The following SLC35D1 variants were observed in gnomAD, a reference collection of about 807,000 sequenced individuals.
SLC35D1 encodes the protein solute carrier family 35 member D1.
SLC35D1 carries 31 observed loss-of-function variants against 46.7 expected under a neutral mutation model. The observed-to-expected ratio is 0.66, with a 90% CI of 0.50 to 0.90. The LOEUF (loss-of-function observed/expected upper bound fraction) is 0.90, where lower values mean the gene tolerates loss of function less well. Ranked by LOEUF, SLC35D1 falls within the 40% of genes least tolerant of loss-of-function variation. SLC35D1 has a pLI of 0.00. For missense variants in SLC35D1, 397 were observed against 426.2 expected (o/e 0.93, Z 0.60); for synonymous variants, 195 against 164.6 (o/e 1.18, Z -1.41).
chr1:67,030,740 G>C (rs1272690509), intron 8 of SLC35D1, among the ~76,000 whole-genome samples: 1 of 152,098 alleles, frequency 6.6e-6, no homozygotes, highest in Non-Finnish European at 1.5e-5. Flanking sequence ...CATCTATTAA[G>C]TCCCATGTGC....
intron 8 of SLC35D1, among the ~76,000 whole-genome samples, chr1:67,026,201 T>G (rs186947849): frequency 6.6e-6 from 1 of 152,304 alleles, no homozygotes; most frequent in African/African-American, 2.4e-5. Context: ...ATTCCTAGTT[T>G]ATTGAGAATT....
chr1:67,020,233 A>T, intron 10 of SLC35D1, 136 bp downstream of exon 10: 1 of 672,222 alleles, frequency 1.5e-6, no homozygotes, highest in Non-Finnish European at 2.7e-6. Context: ...AGAAACTATC[A>T]CCACAATTTG....
intron 11 of SLC35D1, among the ~76,000 whole-genome samples, chr1:67,006,327 T>C (rs1451810588): frequency 1.3e-5 from 2 of 152,166 alleles, no homozygotes; most frequent in Non-Finnish European, 2.9e-5. Flanking sequence ...GAAGATGGCT[T>C]ACTGAAGTCT....
At chr1:67,025,000 G>A (rs1667889300) in intron 8 of SLC35D1, among the ~76,000 whole-genome samples, 1 of 151,946 alleles carries the variant, frequency 6.6e-6, no homozygotes. Context: ...CTTCCACCAC[G>A]GCCTCCCAAA....
chr1:66,974,385 C>T, the SLC35D1 span, among the ~76,000 whole-genome samples: 4,216 of 151,128 alleles, frequency 0.028, 183 homozygotes, highest in African/African-American at 0.096. Flanking sequence ...GAAAAAAGTT[C>T]GTTGTTTCAT....
chr1:66,973,068 A>G, the SLC35D1 span: 2 of 778,920 alleles, frequency 2.6e-6, no homozygotes, highest in Non-Finnish European at 4.4e-6. Context: ...GTAATTTGTT[A>G]TATTGTCTAG....
the SLC35D1 span, among the ~76,000 whole-genome samples, chr1:66,989,609 G>T: frequency 6.6e-6 from 1 of 152,170 alleles, no homozygotes; most frequent in Admixed American, 6.5e-5. Context: ...GTTTACAGTT[G>T]TGCACCACCA....
chr1:67,032,162 TAA>T (rs1032171585), intron 8 of SLC35D1: 16 of 897,700 alleles, frequency 1.8e-5, no homozygotes, highest in Middle Eastern at 5.6e-4. Flanking sequence ...CTGTTTTGAA[TAA>T]AGTCTTTAGC....
At chr1:67,034,766 G>C (rs1207290875) in intron 8 of SLC35D1, among the ~76,000 whole-genome samples, 4 of 151,966 alleles carry the variant, frequency 2.6e-5, no homozygotes, top group Non-Finnish European at 4.4e-5. Context: ...TCTGATCTTA[G>C]AAAAAAGGCT....
At chr1:67,028,773 T>C (rs1386375578) in intron 8 of SLC35D1, among the ~76,000 whole-genome samples, 2 of 152,176 alleles carry the variant, frequency 1.3e-5, no homozygotes, top group African/African-American at 4.8e-5. Flanking sequence ...TTTTCCTCTA[T>C]ACGCTTCATC....
chr1:66,985,142 CTACCT>C, the SLC35D1 span: 3 of 1,087,264 alleles, frequency 2.8e-6, no homozygotes, highest in African/African-American at 5.0e-5. Context: ...AGATATATCT[CTACCT>C]TCTCATTTGA....
the SLC35D1 span, chr1:66,985,950 A>G: frequency 1.0e-6 from 1 of 985,062 alleles, no homozygotes; most frequent in Admixed American, 6.1e-5. Flanking sequence ...GAAGCAAGAC[A>G]AAAGTTTAAT....
intron 8 of SLC35D1, among the ~76,000 whole-genome samples, chr1:67,033,158 G>A (rs1182898920): frequency 2.0e-5 from 3 of 151,932 alleles, no homozygotes; most frequent in South Asian, 2.1e-4. Context: ...ATGGACACTC[G>A]AGTTGCTTCC....
chr1:67,051,973 A>G (rs1645313850), intron 4 of SLC35D1, 39 bp downstream of exon 4: 3 of 1,312,344 alleles, frequency 2.3e-6, no homozygotes, highest in East Asian at 4.6e-5. Flanking sequence ...TTAAGAATAC[A>G]TTATATTAAC....
At chr1:66,998,568 A>T (rs1667270398), downstream of SLC35D1, among the ~76,000 whole-genome samples, 1 of 152,234 alleles carries the variant, frequency 6.6e-6, no homozygotes, top group Non-Finnish European at 1.5e-5. Context: ...TATTCACAAT[A>T]GCCAAGAGGT....
intron 8 of SLC35D1, among the ~76,000 whole-genome samples, chr1:67,036,111 C>A (rs7520341): frequency 0.19 from 29,635 of 151,984 alleles, 5,370 homozygotes; most frequent in African/African-American, 0.49. Context: ...TATGGTCTAT[C>A]CTTGAGAAGG....
At chr1:67,050,728 T>C (rs1163135017) in intron 4 of SLC35D1, among the ~76,000 whole-genome samples, 1 of 152,218 alleles carries the variant, frequency 6.6e-6, no homozygotes, top group East Asian at 1.9e-4. Flanking sequence ...TTAAATTAAC[T>C]ACAAAACTTT....
chr1:67,041,310 T>C (rs1668237021), intron 8 of SLC35D1, among the ~76,000 whole-genome samples: 1 of 152,198 alleles, frequency 6.6e-6, no homozygotes. Context: ...CAAGATGACC[T>C]GTACCAGTTC....
chr1:67,038,772 T>G (rs1301398277), intron 8 of SLC35D1, among the ~76,000 whole-genome samples: 1 of 152,152 alleles, frequency 6.6e-6, no homozygotes, highest in East Asian at 1.9e-4. Context: ...ATATATTTAT[T>G]TGTTCCTTGG....
Sources: gnomAD v4.1 joint callset for allele counts (sites outside exome capture counted in the v4.1 genomes callset) on GRCh38, gnomAD v4.1.1 for gene constraint, MANE v1.5 for transcripts, NCBI Gene and HGNC (gene_info 2026-07-23, HGNC 2026-07-21) for gene names.